ERC2: variants seen among roughly 807,000 people sequenced by gnomAD.
The protein encoded by ERC2 is ERC protein 2.
In ERC2, 42 loss-of-function variants were observed where a neutral mutation model predicts 114.8. That is an observed-to-expected ratio of 0.37 (90% confidence interval 0.29 to 0.47). The LOEUF is 0.47. ERC2 is among the 20% of genes least tolerant of loss of function. The pLI is 0.99. For missense variants in ERC2, 939 were observed against 1,150.7 expected (o/e 0.82, Z 2.66); for synonymous variants, 454 against 425.5 (o/e 1.07, Z -0.82).
At chr3:55,729,897 T>C (rs559729335) in intron 15 of ERC2, among the ~76,000 whole-genome samples, 5 of 139,592 alleles carry the variant, frequency 3.6e-5, no homozygotes, top group Non-Finnish European at 7.6e-5. Context: ...GGTCTTTATG[T>C]ATTTTGGTCA....
chr3:55,613,447 G>T (rs1234893880), intron 17 of ERC2, among the ~76,000 whole-genome samples: 1 of 152,144 alleles, frequency 6.6e-6, no homozygotes, highest in Non-Finnish European at 1.5e-5. Flanking sequence ...TAAAAGCTAT[G>T]GACCTTCACC....
At chr3:55,524,427 C>T (rs1035430368) in intron 17 of ERC2, among the ~76,000 whole-genome samples, 3 of 151,922 alleles carry the variant, frequency 2.0e-5, no homozygotes, top group Non-Finnish European at 2.9e-5. Context: ...CAGCCAGCCA[C>T]GTTGGCAGCC....
intron 13 of ERC2, among the ~76,000 whole-genome samples, chr3:55,923,388 G>T (rs923906038): frequency 6.6e-6 from 1 of 152,062 alleles, no homozygotes; most frequent in Non-Finnish European, 1.5e-5. Flanking sequence ...GGGGTATGAG[G>T]TTATTGGTGA....
At chr3:56,167,989 A>G (rs1184204637) in intron 4 of ERC2, among the ~76,000 whole-genome samples, 9 of 152,206 alleles carry the variant, frequency 5.9e-5, no homozygotes, top group African/African-American at 2.2e-4. Flanking sequence ...CCATTCTAGG[A>G]TGCAAACCTC....
chr3:55,965,370 A>G (rs2149475347), intron 12 of ERC2, among the ~76,000 whole-genome samples: 1 of 152,370 alleles, frequency 6.6e-6, no homozygotes, highest in African/African-American at 2.4e-5. Flanking sequence ...ATATTATTTA[A>G]TTTTAACTAA....
chr3:55,917,645 G>A (rs956788133), intron 13 of ERC2, among the ~76,000 whole-genome samples: 1 of 152,138 alleles, frequency 6.6e-6, no homozygotes, highest in African/African-American at 2.4e-5. Context: ...TTTGAGGAAG[G>A]GCAGGGGGAG....
At chr3:55,710,980 C>T (rs2063748651) in intron 15 of ERC2, among the ~76,000 whole-genome samples, 1 of 152,180 alleles carries the variant, frequency 6.6e-6, no homozygotes, top group East Asian at 1.9e-4. Context: ...CTGTCCTTGC[C>T]CCTGGCCGTC....
At chr3:55,893,435 C>T (rs1382761987) in intron 13 of ERC2, among the ~76,000 whole-genome samples, 1 of 152,134 alleles carries the variant, frequency 6.6e-6, no homozygotes, top group Non-Finnish European at 1.5e-5. Flanking sequence ...TTTTTCCTCA[C>T]TTGACCTCTT....
chr3:56,451,797 T>C (rs774533890), intron 1 of ERC2, among the ~76,000 whole-genome samples: 1 of 152,188 alleles, frequency 6.6e-6, no homozygotes, highest in Non-Finnish European at 1.5e-5. Flanking sequence ...TCTGACATGA[T>C]AGAGGTCCAA....
chr3:56,145,227 T>C (rs189836783), intron 5 of ERC2, among the ~76,000 whole-genome samples: 1 of 152,006 alleles, frequency 6.6e-6, no homozygotes, highest in East Asian at 1.9e-4. Context: ...CTATCAGAGG[T>C]TTATAAGAAA....
chr3:55,629,906 G>A (rs1173673359), intron 17 of ERC2, among the ~76,000 whole-genome samples: 1 of 152,160 alleles, frequency 6.6e-6, no homozygotes, highest in Non-Finnish European at 1.5e-5. Flanking sequence ...AGAGCGGGTG[G>A]GCTCCAAGCA....
chr3:55,907,291 C>T lies in ERC2; in HGVS notation c.2404-18742G>A, dbSNP rs566553426. ...TTAAGAAAGATCCCAGTTCAAATCC[C>T]GGCCACTTGCTCCTGTATGTCTTTG... On this transcript the variant is annotated intron_variant, in intron 13 of 17. Transcript: ENST00000288221. Among the ~76,000 whole-genome samples the T allele has an allele frequency of 6.6e-5, 10 of 152,268 alleles. No individual in the cohort carries two copies. In the South Asian group the frequency reaches 1.0e-3, roughly 16 times the overall value.
At chr3:56,203,445 C>T (rs2048520011) in intron 3 of ERC2, among the ~76,000 whole-genome samples, 1 of 152,132 alleles carries the variant, frequency 6.6e-6, no homozygotes, top group African/African-American at 2.4e-5. Context: ...TGGAGAAAAC[C>T]CCAATTATTA....
chr3:55,695,368 A>G (rs2062872029), intron 16 of ERC2, among the ~76,000 whole-genome samples: 1 of 152,158 alleles, frequency 6.6e-6, no homozygotes, highest in Non-Finnish European at 1.5e-5. Flanking sequence ...CTACTTGGAC[A>G]TATTCAATGG....
intron 3 of ERC2, among the ~76,000 whole-genome samples, chr3:56,278,301 G>T (rs1417148977): frequency 1.3e-5 from 2 of 152,188 alleles, no homozygotes; most frequent in Non-Finnish European, 2.9e-5. Context: ...GTTTCTTTCA[G>T]GAATGCATGA....
chr3:55,559,505 T>C (rs1248146356), intron 17 of ERC2, among the ~76,000 whole-genome samples: 3 of 152,250 alleles, frequency 2.0e-5, no homozygotes, highest in African/African-American at 7.2e-5. Context: ...GTTTCCACCA[T>C]GCTACAAATC....
chr3:56,178,960 G>A (rs1345763365), intron 3 of ERC2, among the ~76,000 whole-genome samples: 1 of 151,796 alleles, frequency 6.6e-6, no homozygotes, highest in Non-Finnish European at 1.5e-5. Flanking sequence ...CTAAAGCAGG[G>A]GTGTCCAATC....
At chr3:55,961,264 C>T (rs146430228) in intron 12 of ERC2, among the ~76,000 whole-genome samples, 31 of 152,266 alleles carry the variant, frequency 2.0e-4, no homozygotes, top group African/African-American at 4.6e-4. Context: ...TAGTCCTCTG[C>T]GGCTCTGAAC....
intron 6 of ERC2, among the ~76,000 whole-genome samples, chr3:56,111,601 A>T (rs973217500): frequency 4.6e-5 from 7 of 152,280 alleles, no homozygotes; most frequent in African/African-American, 1.7e-4. Flanking sequence ...CACAAGACAA[A>T]GCTCAGTAAG....
Sources: allele counts gnomAD v4.1 joint callset (sites outside exome capture counted in the v4.1 genomes callset), GRCh38; gene constraint gnomAD v4.1.1; transcripts MANE v1.5; gene names NCBI Gene and HGNC (gene_info 2026-07-23, HGNC 2026-07-21).